THEMIS: variants seen among roughly 807,000 people sequenced by gnomAD.
The protein encoded by THEMIS is thymocyte selection associated.
In THEMIS, 37 loss-of-function variants were observed where a neutral mutation model predicts 52.6. The observed-to-expected ratio is 0.70, with a 90% confidence interval of 0.54 to 0.93. The LOEUF is 0.93. Ranked by LOEUF, THEMIS falls within the 40% of genes least tolerant of loss-of-function variation. The pLI is 0.00. For synonymous variants in THEMIS, 292 were observed against 272.7 expected (o/e 1.07, Z -0.70); for missense variants, 808 against 763.1 (o/e 1.06, Z -0.69).
intron 2 of THEMIS, among the ~76,000 whole-genome samples, chr6:127,832,584 T>C (rs1049416745): frequency 2.0e-5 from 3 of 152,070 alleles, no homozygotes; most frequent in Non-Finnish European, 2.9e-5. Flanking sequence ...TGACCAACTT[T>C]TTTTTCATCT....
intron 5 of THEMIS, among the ~76,000 whole-genome samples, chr6:127,716,088 G>A (rs546107216): frequency 6.6e-6 from 1 of 151,828 alleles, no homozygotes; most frequent in Non-Finnish European, 1.5e-5. Context: ...GGGAAAATTC[G>A]AAGAACATAG....
chr6:127,878,739 A>G (rs1780389654), intron 1 of THEMIS, among the ~76,000 whole-genome samples: 1 of 152,212 alleles, frequency 6.6e-6, no homozygotes, highest in Admixed American at 6.5e-5. Context: ...ATAAATAGAA[A>G]TTTCTGAATA....
Position 127,709,107 on chromosome 6 carries a change from A to G in THEMIS, c.*878T>C, listed in dbSNP as rs1773887864. 1 of 152,094 alleles carries G rather than the reference A, an allele frequency of 6.6e-6. No individual in the cohort carries two copies. The highest frequency in any genetic ancestry group is 2.1e-4 in the South Asian group (1 of 4,834). The allele number at this position is 152,094 out of a possible 1,614,324, so 9.4% of individuals were successfully genotyped here. A position where few individuals can be genotyped will look rare whatever the true frequency, so the allele number is the denominator to read the frequency against. On this transcript the variant is annotated 3_prime_UTR_variant, in exon 6 of 6. Coordinates refer to ENST00000368248, the MANE Select transcript of THEMIS (RefSeq NM_001010923.3). Reference sequence around the variant, plus strand: ...AGTAATTTTTATAGATGGTACAACTATAAGAGCATCATTCTGATGTATACT... The same window carrying G: ...AGTAATTTTTATAGATGGTACAACTGTAAGAGCATCATTCTGATGTATACT...
At position 127,813,698 on chromosome 6, in the gene THEMIS, C is replaced by T; in HGVS notation, c.943G>A (p.Ala315Thr). 2.5e-6 allele frequency: 4 copies of T among 1,613,982 alleles called. No individual in the cohort carries two copies. The highest frequency in any genetic ancestry group is 1.1e-5 in the South Asian group (1 of 91,070). ...KTIVIHKKYQASRILASEIRS... is the reference protein window; with the variant it reads ...KTIVIHKKYQTSRILASEIRS... ...ATTTCTGAAGCTAAGATTCTTGATGCCTGGTACTTTTTGTGGATCACAATG... is the reference window on the plus strand; with the variant it reads ...ATTTCTGAAGCTAAGATTCTTGATGTCTGGTACTTTTTGTGGATCACAATG... Residue 315 changes from alanine to threonine, a missense_variant, in exon 4 of 6, where the codon GCA (alanine) becomes ACA (threonine). By Grantham distance (58) the Ala-to-Thr change is moderately conservative. Coordinates refer to ENST00000368248, the MANE Select transcript of THEMIS (RefSeq NM_001010923.3).
intron 3 of THEMIS, 46 bp from the exon 4 acceptor site, chr6:127,813,977 C>T (rs755067156): frequency 1.4e-6 from 2 of 1,468,432 alleles, no homozygotes; most frequent in South Asian, 1.4e-5. Flanking sequence ...TACTTCAAAA[C>T]GTTTGCTGTG....
At chr6:127,869,529 G>A (rs1230887933) in intron 1 of THEMIS, among the ~76,000 whole-genome samples, 4 of 152,150 alleles carry the variant, frequency 2.6e-5, no homozygotes, top group Non-Finnish European at 4.4e-5. Context: ...TTGCACCATC[G>A]TAAATCAAAC....
In THEMIS at chr6:127,812,985, A is replaced by G; in HGVS notation, c.1656T>C (p.His552=). The G allele has an allele frequency of 1.9e-6, 3 of 1,613,842 alleles. No individual in the cohort carries two copies. Among genetic ancestry groups the G allele is most frequent in the Non-Finnish European group, 2.5e-6 (3 of 1,179,960 alleles). ...MMRRYESSAS[H]PPPRPPKHPS... ...GGTGTTTCGGAGGGCGAGGTGGGGG[A>G]TGTGAGGCTGAGCTTTCATATCTCC... Residue 552 remains histidine, a synonymous_variant, in exon 4 of 6, where the codon CAT becomes CAC. Coordinates refer to ENST00000368248, the MANE Select transcript of THEMIS (RefSeq NM_001010923.3).
chr6:127,769,552 T>C (rs925403686), intron 4 of THEMIS, among the ~76,000 whole-genome samples: 4 of 152,160 alleles, frequency 2.6e-5, no homozygotes, highest in Non-Finnish European at 5.9e-5. Flanking sequence ...CGGCCAGTCA[T>C]GCTTGTTGTT....
At chr6:127,723,015 C>T (rs1262220140) in intron 4 of THEMIS, among the ~76,000 whole-genome samples, 1 of 151,936 alleles carries the variant, frequency 6.6e-6, no homozygotes, top group African/African-American at 2.4e-5. Context: ...TGAAATGTTT[C>T]CACCTCCAAT....
intron 1 of THEMIS, among the ~76,000 whole-genome samples, chr6:127,877,867 T>C (rs1454798899): frequency 1.3e-5 from 2 of 152,042 alleles, no homozygotes; most frequent in African/African-American, 4.8e-5. Context: ...GAAAAAGCAA[T>C]ATTTACTTGT....
At chr6:127,786,147 C>T (rs1364795991) in intron 4 of THEMIS, among the ~76,000 whole-genome samples, 3 of 152,240 alleles carry the variant, frequency 2.0e-5, no homozygotes, top group Non-Finnish European at 4.4e-5. Context: ...ATTTTATAAA[C>T]CACATGGATA....
At chr6:127,811,537 A>C (rs1429040187) in intron 4 of THEMIS, among the ~76,000 whole-genome samples, 5 of 152,248 alleles carry the variant, frequency 3.3e-5, no homozygotes, top group Admixed American at 6.5e-5. Flanking sequence ...ATAATCCAAG[A>C]TAATCTCATC....
chr6:127,720,683 T>C (rs1364036377), intron 4 of THEMIS, among the ~76,000 whole-genome samples: 2 of 152,036 alleles, frequency 1.3e-5, no homozygotes, highest in African/African-American at 4.8e-5. Flanking sequence ...AAGTTTCTCC[T>C]GTAGACCATA....
intron 3 of THEMIS, among the ~76,000 whole-genome samples, chr6:127,814,299 T>C (rs919614117): frequency 4.6e-5 from 7 of 152,216 alleles, no homozygotes; most frequent in African/African-American, 1.7e-4. Flanking sequence ...TACATGAATA[T>C]AGATATGTGT....
chr6:127,752,452 T>C (rs1003718949), intron 4 of THEMIS, among the ~76,000 whole-genome samples: 2 of 144,970 alleles, frequency 1.4e-5, no homozygotes, highest in African/African-American at 5.0e-5. Context: ...TAAATATAAA[T>C]TAAAGAGAGA....
At chr6:127,884,447 C>T (rs917667351) in intron 1 of THEMIS, among the ~76,000 whole-genome samples, 5 of 152,018 alleles carry the variant, frequency 3.3e-5, no homozygotes, top group South Asian at 4.1e-4. Context: ...GAATTAGGCA[C>T]CCCCTCTTTT....
chr6:127,714,035 T>TTG (rs1774073819), intron 5 of THEMIS, among the ~76,000 whole-genome samples: 2 of 151,882 alleles, frequency 1.3e-5, no homozygotes, highest in South Asian at 2.1e-4. Context: ...GAAAAAAAAA[T>TTG]GGGCATATTC....
At chr6:127,803,989 A>G (rs1777620593) in intron 4 of THEMIS, among the ~76,000 whole-genome samples, 1 of 152,132 alleles carries the variant, frequency 6.6e-6, no homozygotes, top group Non-Finnish European at 1.5e-5. Flanking sequence ...ATATGACACC[A>G]TTTCTGGTTG....
chr6:127,748,883 T>A (rs1775539946), intron 4 of THEMIS, among the ~76,000 whole-genome samples: 1 of 152,024 alleles, frequency 6.6e-6, no homozygotes, highest in Non-Finnish European at 1.5e-5. Flanking sequence ...TATTTAATAG[T>A]GAAAGCAGCC....
Sources: allele counts gnomAD v4.1 joint callset (sites outside exome capture counted in the v4.1 genomes callset), GRCh38; gene constraint gnomAD v4.1.1; transcripts MANE v1.5; gene names NCBI Gene and HGNC (gene_info 2026-07-23, HGNC 2026-07-21).